The following ADGRL3 variants were observed in gnomAD, a reference collection of about 807,000 sequenced individuals.
The protein encoded by ADGRL3 is adhesion G protein-coupled receptor L3.
ADGRL3 carries 62 observed loss-of-function variants against 153.5 expected under a neutral mutation model. That is an observed-to-expected ratio of 0.40 (90% CI 0.33 to 0.50). The LOEUF (loss-of-function observed/expected upper bound fraction) is 0.50. Among genes scored for constraint, ADGRL3 ranks in the 20% least tolerant of loss-of-function variants. The pLI is 0.47. For missense variants in ADGRL3, 1,641 were observed against 1,859.4 expected (o/e 0.88, Z 2.16); for synonymous variants, 710 against 672.5 (o/e 1.06, Z -0.86).
chr4:61,254,890 G>C (rs574639645), intron 1 of ADGRL3, among the ~76,000 whole-genome samples: 1 of 152,000 alleles, frequency 6.6e-6, no homozygotes, highest in South Asian at 2.1e-4. Context: ...TTGTCTTTCA[G>C]TATCATCCCT....
At chr4:61,312,135 T>A (rs762796691) in intron 1 of ADGRL3, among the ~76,000 whole-genome samples, 1 of 152,198 alleles carries the variant, frequency 6.6e-6, no homozygotes, top group Non-Finnish European at 1.5e-5. Context: ...CAACTGATCA[T>A]TGACAAAAGT....
chr4:61,927,174 AT>A (rs1181737912), intron 13 of ADGRL3, among the ~76,000 whole-genome samples: 3 of 152,198 alleles, frequency 2.0e-5, no homozygotes, highest in African/African-American at 7.2e-5. Context: ...TGACTGCCAC[AT>A]TGAAGATGCT....
In ADGRL3 at chr4:61,304,456, A is replaced by T. The variant is rs375882864; in HGVS notation, c.-239-78668A>T. Among the ~76,000 whole-genome samples the T allele has an allele frequency of 1.1e-4, 17 of 152,156 alleles. No individual in the cohort carries two copies. The East Asian group carries it at 3.1e-3, about 28-fold the overall frequency. ...CTGAATGGCAGCAGGCAGTGAGGAG[A>T]TGCTCTTTTTTAAAAGGTAGTCTTT... On this transcript the variant is annotated intron_variant, in intron 1 of 26. Coordinates refer to ENST00000683033, the MANE Select transcript of ADGRL3 (RefSeq NM_001387552.1).
In ADGRL3 at chr4:61,978,773, G is replaced by A. The variant is rs187603096; in HGVS notation, c.2806-790G>A. On this transcript the variant is annotated intron_variant, in intron 17 of 26. Transcript: ENST00000683033. ...AAAACATGATGTTTCAGTACAGTTCGTGAACTTTTTCTTGTTTCTTAGCTC... is the reference window on the plus strand; with the variant it reads ...AAAACATGATGTTTCAGTACAGTTCATGAACTTTTTCTTGTTTCTTAGCTC... 8.7e-4 allele frequency among the ~76,000 whole-genome samples: 133 copies of A among 152,220 alleles called. 1 individual carries two copies. Among genetic ancestry groups the A allele is most frequent in the Non-Finnish European group, 1.2e-3 (84 of 67,996 alleles).
In ADGRL3 at chr4:61,925,907, G is replaced by T. The variant is rs183449667; in HGVS notation, c.2113-8933G>T. 1.4e-3 allele frequency among the ~76,000 whole-genome samples: 217 copies of T among 152,250 alleles called. 4 individuals carry two copies. The highest frequency in any genetic ancestry group is 5.8e-4 in the East Asian group (3 of 5,184). ...ATTGATGCCATACAATTATAGTCAT[G>T]CATTACCAGTGAGGATACATTCCGA... On this transcript the variant is annotated intron_variant, in intron 13 of 26. Coordinates refer to ENST00000683033, the MANE Select transcript of ADGRL3 (RefSeq NM_001387552.1).
chr4:61,259,284 G>A (rs1401410106), intron 1 of ADGRL3, among the ~76,000 whole-genome samples: 6 of 152,068 alleles, frequency 3.9e-5, no homozygotes, highest in African/African-American at 1.4e-4. Flanking sequence ...TTAGCCGGGC[G>A]TGGTGGCGGG....
chr4:61,990,510 A>G (rs1228404957), intron 19 of ADGRL3, among the ~76,000 whole-genome samples: 3 of 152,000 alleles, frequency 2.0e-5, no homozygotes, highest in Non-Finnish European at 2.9e-5. Context: ...ACTCTTAAAT[A>G]TACTAAAAAC....
intron 6 of ADGRL3, among the ~76,000 whole-genome samples, chr4:61,694,542 G>A (rs563199987): frequency 2.0e-5 from 3 of 152,224 alleles, no homozygotes; most frequent in South Asian, 4.1e-4. Context: ...CTAAAATGTG[G>A]TAACCATCAT....
intron 1 of ADGRL3, among the ~76,000 whole-genome samples, chr4:61,362,325 A>ATT (rs1417255097): frequency 6.0e-5 from 9 of 148,828 alleles, no homozygotes; most frequent in South Asian, 2.1e-4. Context: ...ATATTTGAAA[A>ATT]TTATATATAT....
chr4:61,346,558 G>A (rs1223184215), intron 1 of ADGRL3, among the ~76,000 whole-genome samples: 1 of 151,066 alleles, frequency 6.6e-6, no homozygotes, highest in African/African-American at 2.4e-5. Flanking sequence ...GAGGCCAGGA[G>A]TTTGAAACCA....
chr4:61,845,974 C>T (rs1265896303), intron 9 of ADGRL3, among the ~76,000 whole-genome samples: 1 of 152,130 alleles, frequency 6.6e-6, no homozygotes, highest in African/African-American at 2.4e-5. Context: ...CTGTTATCAG[C>T]AATTCCTTCA....
At position 61,808,732 on chromosome 4, in the gene ADGRL3, GTGTT is replaced by G. The variant is rs539186158; in HGVS notation, c.1400-5055_1400-5052del. 3.3e-3 allele frequency among the ~76,000 whole-genome samples: 490 copies of G among 148,838 alleles called. 1 individual carries two copies. The highest frequency in any genetic ancestry group is 0.011 in the African/African-American group (432 of 40,444). ...ACAACACATTGACCTATGGGTTTTT[GTGTT>G]TGTTTGTTTGTTTGTTTGTTTCAGC... On this transcript the variant is annotated intron_variant, in intron 8 of 26. Coordinates refer to ENST00000683033, the MANE Select transcript of ADGRL3 (RefSeq NM_001387552.1).
chr4:61,895,174 A>C (rs1258264554), intron 10 of ADGRL3, among the ~76,000 whole-genome samples: 1 of 152,162 alleles, frequency 6.6e-6, no homozygotes, highest in Non-Finnish European at 1.5e-5. Context: ...AAATTCTTTA[A>C]AAACAGTCCT....
chr4:61,267,236 A>G (rs956449897), intron 1 of ADGRL3, among the ~76,000 whole-genome samples: 1 of 151,784 alleles, frequency 6.6e-6, no homozygotes, highest in Non-Finnish European at 1.5e-5. Context: ...TGTGATATTT[A>G]TGAAGCATCA....
chr4:61,981,380 C>T (rs188039880), intron 18 of ADGRL3, among the ~76,000 whole-genome samples: 3 of 151,076 alleles, frequency 2.0e-5, no homozygotes, highest in African/African-American at 7.3e-5. Flanking sequence ...ATAGTACAAC[C>T]TGCAAAGCAT....
intron 1 of ADGRL3, among the ~76,000 whole-genome samples, chr4:61,335,548 C>T (rs775130944): frequency 1.3e-5 from 2 of 152,136 alleles, no homozygotes; most frequent in Non-Finnish European, 2.9e-5. Context: ...TCAAAAGCTT[C>T]ATTTTTTAAG....
rs768857882 is a variant in ADGRL3, at chr4:61,522,990, A to G, written c.259+5472A>G. 2.0e-5 allele frequency among the ~76,000 whole-genome samples: 3 copies of G among 152,040 alleles called. No individual in the cohort carries two copies. In the East Asian group the frequency reaches 5.8e-4, roughly 29 times the overall value. ...GATTTTCCCCCACTTTCACTCATCC[A>G]TAGCCTTATTCCTGACAGAACAATT... On this transcript the variant is annotated intron_variant, in intron 4 of 26. Transcript: ENST00000683033.
chr4:61,472,953 G>C (rs1242952329), intron 2 of ADGRL3, among the ~76,000 whole-genome samples: 4 of 151,976 alleles, frequency 2.6e-5, no homozygotes, highest in Admixed American at 6.6e-5. Context: ...TGAATTTTAG[G>C]AGCCAAGGAA....
At chr4:61,552,509 G>T (rs2098744778) in intron 4 of ADGRL3, among the ~76,000 whole-genome samples, 1 of 151,928 alleles carries the variant, frequency 6.6e-6, no homozygotes, top group South Asian at 2.1e-4. Flanking sequence ...TGTCACTCAG[G>T]CTGGAGTGCA....
Sources: gnomAD v4.1 joint callset for allele counts (sites outside exome capture counted in the v4.1 genomes callset) on GRCh38, gnomAD v4.1.1 for gene constraint, MANE v1.5 for transcripts, NCBI Gene and HGNC (gene_info 2026-07-23, HGNC 2026-07-21) for gene names.